LOC128125817: variants seen among roughly 807,000 people sequenced by gnomAD.
chr1:41,614,472 G>T, the LOC128125817 span, among the ~76,000 whole-genome samples: 3,695 of 152,266 alleles, frequency 0.024, 152 homozygotes, highest in African/African-American at 0.084. Context: ...CTTTCTGCAG[G>T]GCTTCAGTTC....
chr1:41,618,618 T>C, the LOC128125817 span, among the ~76,000 whole-genome samples: 1 of 151,396 alleles, frequency 6.6e-6, no homozygotes, highest in Non-Finnish European at 1.5e-5. Context: ...GTCTAAGTCC[T>C]TTCTTAAGCC....
chr1:41,606,363 T>C, the LOC128125817 span, among the ~76,000 whole-genome samples: 2 of 152,016 alleles, frequency 1.3e-5, no homozygotes, highest in African/African-American at 2.4e-5. Context: ...CCTGCCCACC[T>C]TCAGATTTTT....
chr1:41,619,194 T>G, the LOC128125817 span, among the ~76,000 whole-genome samples: 2 of 152,138 alleles, frequency 1.3e-5, no homozygotes, highest in African/African-American at 4.8e-5. Flanking sequence ...CAGGCTGATC[T>G]TGCCTCCGCC....
At chr1:41,618,857 G>A in the LOC128125817 span, among the ~76,000 whole-genome samples, 1 of 152,124 alleles carries the variant, frequency 6.6e-6, no homozygotes, top group East Asian at 1.9e-4. Flanking sequence ...TATACCTCAC[G>A]TCCCATCTGT....
chr1:41,627,312 T>G, the LOC128125817 span, among the ~76,000 whole-genome samples: 1 of 152,060 alleles, frequency 6.6e-6, no homozygotes, highest in African/African-American at 2.4e-5. Flanking sequence ...TGAGGCAGAG[T>G]TGGAGCAATT....
the LOC128125817 span, among the ~76,000 whole-genome samples, chr1:41,600,263 A>G: frequency 6.6e-6 from 1 of 152,234 alleles, no homozygotes; most frequent in African/African-American, 2.4e-5. Flanking sequence ...AGATATGTGT[A>G]CATCTATGTT....
chr1:41,624,158 C>T, the LOC128125817 span, among the ~76,000 whole-genome samples: 1 of 152,122 alleles, frequency 6.6e-6, no homozygotes, highest in African/African-American at 2.4e-5. Flanking sequence ...TTCTCCCCTC[C>T]CCATCTCTCC....
chr1:41,611,467 C>A, the LOC128125817 span, among the ~76,000 whole-genome samples: 1 of 152,224 alleles, frequency 6.6e-6, no homozygotes, highest in Non-Finnish European at 1.5e-5. Flanking sequence ...GTCCTCAGAA[C>A]GAGCCTATCA....
chr1:41,619,648 G>A, the LOC128125817 span, among the ~76,000 whole-genome samples: 1 of 152,178 alleles, frequency 6.6e-6, no homozygotes, highest in Non-Finnish European at 1.5e-5. Context: ...TGACTGGTAT[G>A]GGTGTTAGGA....
chr1:41,628,702 A>G, the LOC128125817 span: 3 of 1,202,758 alleles, frequency 2.5e-6, no homozygotes, highest in Non-Finnish European at 3.1e-6. Context: ...AAGACAGACC[A>G]ACATGGCGCC....
At chr1:41,586,499 C>A in the LOC128125817 span, among the ~76,000 whole-genome samples, 3 of 146,100 alleles carry the variant, frequency 2.1e-5, no homozygotes, top group African/African-American at 7.3e-5. Context: ...CTTGGCGAGG[C>A]CCTGGGTGAG....
the LOC128125817 span, among the ~76,000 whole-genome samples, chr1:41,592,769 A>G: frequency 6.6e-6 from 1 of 152,238 alleles, no homozygotes; most frequent in African/African-American, 2.4e-5. Context: ...TGGCTCACCT[A>G]TAACATTCTA....
chr1:41,599,659 C>G, the LOC128125817 span, among the ~76,000 whole-genome samples: 1 of 152,146 alleles, frequency 6.6e-6, no homozygotes, highest in Non-Finnish European at 1.5e-5. Flanking sequence ...AGCTTCATCA[C>G]ATTGGATTTG....
the LOC128125817 span, among the ~76,000 whole-genome samples, chr1:41,604,295 A>G: frequency 6.6e-6 from 1 of 152,256 alleles, no homozygotes; most frequent in African/African-American, 2.4e-5. Context: ...AACAAATAGA[A>G]TGGATAAATA....
chr1:41,627,052 C>T, the LOC128125817 span, among the ~76,000 whole-genome samples: 1 of 152,220 alleles, frequency 6.6e-6, no homozygotes, highest in Non-Finnish European at 1.5e-5. Context: ...ACCATGTGGG[C>T]AGCAGCATCG....
chr1:41,618,516 C>T, the LOC128125817 span, among the ~76,000 whole-genome samples: 2 of 152,208 alleles, frequency 1.3e-5, no homozygotes, highest in African/African-American at 4.8e-5. Flanking sequence ...CTGACAGCAG[C>T]GTCTGCCTGC....
At chr1:41,598,806 GTTAT>G in the LOC128125817 span, among the ~76,000 whole-genome samples, 1,012 of 147,112 alleles carry the variant, frequency 6.9e-3, 4 homozygotes, top group African/African-American at 0.019. Context: ...GTCACATGAT[GTTAT>G]TTATTTATTT....
At chr1:41,587,966 A>G in the LOC128125817 span, among the ~76,000 whole-genome samples, 1 of 152,210 alleles carries the variant, frequency 6.6e-6, no homozygotes, top group African/African-American at 2.4e-5. Context: ...CATCTGAACA[A>G]TAGAGTTGCC....
At chr1:41,598,311 G>A in the LOC128125817 span, among the ~76,000 whole-genome samples, 1 of 152,172 alleles carries the variant, frequency 6.6e-6, no homozygotes, top group African/African-American at 2.4e-5. Context: ...TTCTATACAC[G>A]TGACTGTGGC....
Sources: allele counts gnomAD v4.1 joint callset (sites outside exome capture counted in the v4.1 genomes callset), GRCh38; gene constraint gnomAD v4.1.1; transcripts MANE v1.5.